The following MNAT1 variants were observed in gnomAD, a reference collection of about 807,000 sequenced individuals.
MNAT1 encodes CDK-activating kinase assembly factor MAT1.
A neutral mutation model predicts 42.0 loss-of-function variants in MNAT1; 43 were observed. That is an observed-to-expected ratio of 1.02 (90% CI 0.80 to 1.32). MNAT1 has a LOEUF of 1.32. Ranked by LOEUF, MNAT1 falls within the 40% of genes most tolerant of loss-of-function variation. The probability of loss-of-function intolerance (pLI) is 0.00; values close to 1 mark genes in which losing one functional copy is unlikely to be tolerated. For synonymous variants in MNAT1, 118 were observed against 120.0 expected, an observed-to-expected ratio of 0.98 and a Z score of 0.11; for missense variants, 306 against 350.4, an observed-to-expected ratio of 0.87 and a Z score of 1.01.
chr14:60,927,154 C>T (rs942255065), intron 7 of MNAT1, among the ~76,000 whole-genome samples: 2 of 152,132 alleles, frequency 1.3e-5, no homozygotes, highest in African/African-American at 4.8e-5. Context: ...TGATGTGGGC[C>T]TTCTTGAGAT....
Position 60,931,179 on chromosome 14 carries a change from G to A in MNAT1, c.810-37050G>A, listed in dbSNP as rs185624375. Among the ~76,000 whole-genome samples the A allele has an allele frequency of 8.5e-5, 13 of 152,252 alleles. No homozygotes were observed. In the East Asian group the frequency reaches 2.3e-3, roughly 27 times the overall value. On this transcript the variant is annotated intron_variant, in intron 7 of 7. Transcript: ENST00000261245. ...TGACTTCAGGTGCAGGGTAAGGAAT[G>A]AGTCTAGGAAAATTCCAAGGTTTTT...
intron 6 of MNAT1, among the ~76,000 whole-genome samples, chr14:60,844,903 CTG>C (rs1357703620): frequency 6.6e-6 from 1 of 151,866 alleles, no homozygotes; most frequent in African/African-American, 2.4e-5. Flanking sequence ...CTTCTTTATA[CTG>C]TTAGTGATTT....
intron 6 of MNAT1, among the ~76,000 whole-genome samples, chr14:60,838,193 G>C (rs2033446070): frequency 6.6e-6 from 1 of 151,876 alleles, no homozygotes; most frequent in South Asian, 2.1e-4. Flanking sequence ...GGAAGGCAGT[G>C]GGGGCGATCA....
chr14:60,808,257 T>G, intron 3 of MNAT1, 68 bp from the exon 4 acceptor site: 1 of 985,176 alleles, frequency 1.0e-6, no homozygotes, highest in Non-Finnish European at 1.5e-6. Context: ...GTGGTATTTG[T>G]TTTTTATTGT....
chr14:60,926,908 T>G (rs1023511163), intron 7 of MNAT1, among the ~76,000 whole-genome samples: 2 of 152,014 alleles, frequency 1.3e-5, no homozygotes, highest in African/African-American at 4.8e-5. Flanking sequence ...CCCATAAGAT[T>G]TGCTTCCTTC....
chr14:60,896,447 A>G (rs2139496653), intron 7 of MNAT1, among the ~76,000 whole-genome samples: 1 of 152,310 alleles, frequency 6.6e-6, no homozygotes, highest in Non-Finnish European at 1.5e-5. Flanking sequence ...TTGTGACACA[A>G]CTAGATTCAT....
chr14:60,803,918 T>C (rs1227657859), intron 3 of MNAT1, among the ~76,000 whole-genome samples: 3 of 152,220 alleles, frequency 2.0e-5, no homozygotes, highest in South Asian at 2.1e-4. Context: ...CAATAGACTC[T>C]TTTCTGTGGT....
chr14:60,818,553 G>A (rs1001167838), intron 5 of MNAT1, among the ~76,000 whole-genome samples, 169 bp from the exon 6 acceptor site: 3 of 151,924 alleles, frequency 2.0e-5, no homozygotes, highest in Non-Finnish European at 4.4e-5. Context: ...ATCTACAACA[G>A]CCTTTTCTTA....
Position 60,969,248 on chromosome 14 carries a change from T to C in MNAT1, c.*899T>C, listed in dbSNP as rs896242941. ...GAGTTTAGATATGAATAGGATGATA[T>C]TGCAGCATCTCAACCTTGTATGAGT... On this transcript the variant is annotated 3_prime_UTR_variant, in exon 8 of 8. Coordinates refer to ENST00000261245, the MANE Select transcript of MNAT1 (RefSeq NM_002431.4). The C allele has an allele frequency of 1.3e-5, 2 of 152,192 alleles. No homozygotes were observed. Among genetic ancestry groups the C allele is most frequent in the African/African-American group, 4.8e-5 (2 of 41,450 alleles). The allele number at this position is 152,192 out of a possible 1,614,324, so 9.4% of individuals were successfully genotyped here.
chr14:60,739,951 C>T (rs1410271666), intron 1 of MNAT1, among the ~76,000 whole-genome samples: 5 of 152,134 alleles, frequency 3.3e-5, no homozygotes, highest in East Asian at 1.9e-4. Context: ...GTCAGGAGTT[C>T]GAGACCATCC....
intron 1 of MNAT1, among the ~76,000 whole-genome samples, chr14:60,759,572 A>G (rs565990972): frequency 6.6e-5 from 10 of 152,204 alleles, no homozygotes; most frequent in Non-Finnish European, 1.5e-4. Flanking sequence ...TTAACATGAG[A>G]TGCATTCTTT....
intron 7 of MNAT1, among the ~76,000 whole-genome samples, chr14:60,889,074 T>G (rs996787790): frequency 6.6e-6 from 1 of 150,912 alleles, no homozygotes; most frequent in African/African-American, 2.4e-5. Context: ...CCAATGACTT[T>G]CTTCACAGAA....
In MNAT1 at chr14:60,968,899, T is replaced by C. The variant is rs904972699; in HGVS notation, c.*550T>C. 1 of 211,686 alleles carries C rather than the reference T, an allele frequency of 4.7e-6. No individual in the cohort carries two copies. The highest frequency in any genetic ancestry group is 9.3e-6 in the Non-Finnish European group (1 of 107,156). The allele number at this position is 211,686 out of a possible 1,614,324, so 13.1% of individuals were successfully genotyped here. On this transcript the variant is annotated 3_prime_UTR_variant, in exon 8 of 8. Transcript: ENST00000261245. ...CCTGACCCATGATAATGTCATTCCC[T>C]CAATACTAAGGACTCAATGCCTGTT... is the stretch of plus-strand genomic sequence containing the variant.
chr14:60,860,048 A>T (rs935796289), intron 6 of MNAT1, among the ~76,000 whole-genome samples: 3 of 152,158 alleles, frequency 2.0e-5, no homozygotes, highest in African/African-American at 7.2e-5. Flanking sequence ...TAAATTTATG[A>T]TAATTAATGT....
chr14:60,938,131 G>A, intron 7 of MNAT1, among the ~76,000 whole-genome samples: 1 of 152,176 alleles, frequency 6.6e-6, no homozygotes, highest in East Asian at 1.9e-4. Flanking sequence ...TTTGGGCCAA[G>A]GCGATGGGAT....
At chr14:60,830,777 G>C (rs1302911543) in intron 6 of MNAT1, among the ~76,000 whole-genome samples, 1 of 147,080 alleles carries the variant, frequency 6.8e-6, no homozygotes, top group African/African-American at 2.5e-5. Context: ...TATTTATTTT[G>C]GTCCTCACCA....
rs749966091 is a variant in MNAT1, at chr14:60,879,695, T to C, written c.688-19T>C. 1.2e-6 allele frequency: 2 copies of C among 1,600,266 alleles called. No homozygotes were observed. Among genetic ancestry groups the C allele is most frequent in the Non-Finnish European group, 1.7e-6 (2 of 1,173,464 alleles). ...AAAATAATAATAAGAGGTATTAAGT[T>C]CCTTCATTTTTCTAACAGGGTCAAC... On this transcript the variant is annotated intron_variant, in intron 6 of 7. Coordinates refer to ENST00000261245, the MANE Select transcript of MNAT1 (RefSeq NM_002431.4).
At chr14:60,904,993 T>TTTTTTTTTTTTTTAC (rs2035164513) in intron 7 of MNAT1, among the ~76,000 whole-genome samples, 2 of 141,652 alleles carry the variant, frequency 1.4e-5, no homozygotes, top group East Asian at 2.0e-4. Flanking sequence ...TTTTTTTTTT[T>TTTTTTTTTTTTTTAC]GGACGGAGTC....
At chr14:60,937,994 T>C (rs1384076526) in intron 7 of MNAT1, among the ~76,000 whole-genome samples, 1 of 152,226 alleles carries the variant, frequency 6.6e-6, no homozygotes, top group Non-Finnish European at 1.5e-5. Flanking sequence ...TTGAAGCAAT[T>C]GTGAATAGGA....
Sources: allele counts gnomAD v4.1 joint callset (sites outside exome capture counted in the v4.1 genomes callset), GRCh38; gene constraint gnomAD v4.1.1; transcripts MANE v1.5; gene names NCBI Gene and HGNC (gene_info 2026-07-23, HGNC 2026-07-21).